CDC42BPA: variants seen among roughly 807,000 people sequenced by gnomAD.
CDC42BPA encodes the protein CDC42 binding protein kinase alpha.
In CDC42BPA, 80 loss-of-function variants were observed where a neutral mutation model predicts 223.5. The observed-to-expected ratio is 0.36, with a 90% CI of 0.30 to 0.43. The LOEUF (loss-of-function observed/expected upper bound fraction) is 0.43, where lower values mean the gene tolerates loss of function less well. CDC42BPA is among the 20% of genes least tolerant of loss of function. The pLI, the probability that CDC42BPA is intolerant of heterozygous loss-of-function variation, is 1.00. For synonymous variants in CDC42BPA, 694 were observed against 718.6 expected (o/e 0.97, Z 0.55); for missense variants, 1,743 against 2,099.9 (o/e 0.83, Z 3.32).
At chr1:227,050,567 G>A (rs1475440622) in intron 22 of CDC42BPA, among the ~76,000 whole-genome samples, 3 of 152,148 alleles carry the variant, frequency 2.0e-5, no homozygotes, top group African/African-American at 7.2e-5. Context: ...CCAACTGCAG[G>A]AGAATGGATA....
At chr1:227,066,975 T>C (rs1677217695) in intron 21 of CDC42BPA, among the ~76,000 whole-genome samples, 1 of 152,150 alleles carries the variant, frequency 6.6e-6, no homozygotes, top group African/African-American at 2.4e-5. Context: ...GAATGGAGCT[T>C]AGAAAGCACA....
In CDC42BPA at chr1:227,242,526, TAGA is replaced by T. The variant is rs556941569; in HGVS notation, c.270+11535_270+11537del. 7.2e-5 allele frequency among the ~76,000 whole-genome samples: 11 copies of T among 152,144 alleles called. No homozygotes were observed. The South Asian group carries it at 8.3e-4, about 11-fold the overall frequency. Reference sequence around the variant, plus strand: ...GAATTCAAAAAATTTATGTACAAACTAGAAGAAGTTAATATAATCAAGTTCCTT... The same window carrying T: ...GAATTCAAAAAATTTATGTACAAACTAGAAGTTAATATAATCAAGTTCCTT... On this transcript the variant is annotated intron_variant, in intron 2 of 36. Transcript: ENST00000366766.
intron 14 of CDC42BPA, among the ~76,000 whole-genome samples, chr1:227,101,952 T>C (rs536316646): frequency 6.6e-6 from 1 of 152,146 alleles, no homozygotes; most frequent in Non-Finnish European, 1.5e-5. Flanking sequence ...AACAGAAACA[T>C]ACAGACTACA....
intron 10 of CDC42BPA, among the ~76,000 whole-genome samples, chr1:227,133,035 G>C (rs1657578925): frequency 6.6e-6 from 1 of 151,526 alleles, no homozygotes; most frequent in African/African-American, 2.4e-5. Context: ...GTCCGGGAGG[G>C]AGGTGGGGGT....
chr1:227,295,459 T>G (rs138374918), intron 1 of CDC42BPA, among the ~76,000 whole-genome samples: 21 of 138,068 alleles, frequency 1.5e-4, no homozygotes, highest in African/African-American at 5.5e-4. Context: ...ATGCCCAGCA[T>G]GAAATTAAAA....
At chr1:227,193,307 G>T (rs543521261) in intron 5 of CDC42BPA, among the ~76,000 whole-genome samples, 1 of 151,852 alleles carries the variant, frequency 6.6e-6, no homozygotes, top group African/African-American at 2.4e-5. Flanking sequence ...TAATCTGCCC[G>T]CCTTGACCTC....
At chr1:227,064,473 T>G (rs899283179) in intron 21 of CDC42BPA, among the ~76,000 whole-genome samples, 5 of 152,176 alleles carry the variant, frequency 3.3e-5, no homozygotes, top group African/African-American at 1.2e-4. Flanking sequence ...GTATAGGAAG[T>G]TGCTACAAGC....
At chr1:227,028,464 T>C (rs941380515) in intron 30 of CDC42BPA, among the ~76,000 whole-genome samples, 193 bp downstream of exon 30, 3 of 152,246 alleles carry the variant, frequency 2.0e-5, no homozygotes, top group African/African-American at 2.4e-5. Context: ...TGCATGCTAA[T>C]GCTGGCCCTG....
chr1:227,147,351 A>C lies in CDC42BPA; in HGVS notation c.894+8T>G. 2.5e-6 allele frequency: 4 copies of C among 1,599,262 alleles called. No homozygotes were observed. In the Middle Eastern group the frequency reaches 6.7e-4, roughly 266 times the overall value. On this transcript the variant is annotated splice_region_variant and intron_variant, in intron 7 of 36. Transcript: ENST00000366766. ...ACATTAATTTGAACAAAAGTAAAAC[A>C]TACTAACTTTGTGGTTCATGATTTT...
intron 1 of CDC42BPA, among the ~76,000 whole-genome samples, chr1:227,309,601 CATG>C (rs751638015): frequency 1.5e-4 from 23 of 152,220 alleles, no homozygotes; most frequent in South Asian, 4.2e-4. Context: ...ACTATGAGTC[CATG>C]ATATTTTCCT....
intron 21 of CDC42BPA, among the ~76,000 whole-genome samples, chr1:227,061,715 A>G (rs566095221): frequency 3.3e-5 from 5 of 152,282 alleles, no homozygotes; most frequent in African/African-American, 1.2e-4. Context: ...TCTGACAGGT[A>G]CTTTCCTAAG....
In CDC42BPA at chr1:227,028,921, A is replaced by G; in HGVS notation, c.4168T>C (p.Phe1390Leu). The G allele has an allele frequency of 6.2e-7, 1 of 1,614,168 alleles. No homozygotes were observed. The highest frequency in any genetic ancestry group is 1.6e-4 in the Middle Eastern group (1 of 6,062). ...AATCCCACACAGAGTTGTTCACTGA[A>G]GATTGCCATCCACTGGACATTATAT... The part of the protein sequence containing the change: ...VPYNVQWMAI[F>L]SEQLCVGFQS... The change falls in exon 30 of 37, where the codon TTC becomes CTC. Residue 1390 changes from phenylalanine to leucine, a missense_variant. Transcript: ENST00000366766.
chr1:227,193,811 C>A lies in CDC42BPA; in HGVS notation c.574G>T (p.Val192Phe). The A allele has an allele frequency of 6.2e-7, 1 of 1,612,506 alleles. No homozygotes were observed. ...CTGTGTACATAATGTAGCTGATGAA[C>A]TGAGTCAATTGCTATCACCATCTCA... is the stretch of plus-strand genomic sequence containing the variant. ...LAEMVIAIDS[V>F]HQLHYVHRDI... is the part of the protein sequence containing the mutation. Residue 192 changes from valine (V) to phenylalanine (F), a missense_variant, in exon 5 of 37, where the codon GTT (valine) becomes TTT (phenylalanine). By Grantham distance (50) the Val-to-Phe change is conservative. Around this residue, in one of 6 missense-constraint regions of CDC42BPA, gnomAD observed 321 missense variants for 488.7 expected, o/e 0.66. Coordinates refer to ENST00000366766, the MANE Select transcript of CDC42BPA (RefSeq NM_001394014.1).
In CDC42BPA at chr1:227,317,164, A is replaced by G. The variant is rs1694544992; in HGVS notation, c.19T>C (p.Leu7=). The change falls in exon 1 of 37, where the codon TTG becomes CTG. Residue 7 remains leucine (L), a synonymous_variant. Coordinates refer to ENST00000366766, the MANE Select transcript of CDC42BPA (RefSeq NM_001394014.1). ...AAAATAAACTGCTCCAACTGCCTCA[A>G]ACGCACTTCTCCAGACATGTTTGCT... MSGEVR[L]RQLEQFILDG... The G allele has an allele frequency of 1.2e-6, 2 of 1,612,482 alleles. No individual in the cohort carries two copies. Among genetic ancestry groups the G allele is most frequent in the South Asian group, 2.2e-5 (2 of 90,478 alleles).
In CDC42BPA at chr1:227,051,773, A is replaced by T. The variant is rs889172680; in HGVS notation, c.3009+108T>A. The T allele has an allele frequency of 4.3e-5, 24 of 556,934 alleles. No homozygotes were observed. In the Admixed American group the frequency reaches 4.4e-4, roughly 10 times the overall value. The allele number at this position is 556,934 out of a possible 1,614,324, so 34.5% of individuals were successfully genotyped here. On this transcript the variant is annotated intron_variant, in intron 22 of 36. Coordinates refer to ENST00000366766, the MANE Select transcript of CDC42BPA (RefSeq NM_001394014.1). ...ATGTAATGATCTCCAATAGACTGTA[A>T]CTTATTACATATTTGGTTAAGAGGA...
chr1:227,150,874 A>G (rs2149716942), intron 6 of CDC42BPA, among the ~76,000 whole-genome samples: 1 of 151,748 alleles, frequency 6.6e-6, no homozygotes, highest in Non-Finnish European at 1.5e-5. Context: ...AAAAAGAAAA[A>G]AAAAAAGAAG....
chr1:227,019,927 G>T (rs1294996842), intron 32 of CDC42BPA, among the ~76,000 whole-genome samples: 1 of 150,538 alleles, frequency 6.6e-6, no homozygotes, highest in Admixed American at 6.6e-5. Flanking sequence ...ATGGAGTTTC[G>T]CCCTTGTTGC....
intron 12 of CDC42BPA, among the ~76,000 whole-genome samples, chr1:227,118,815 A>G (rs1288051488): frequency 6.6e-6 from 1 of 152,120 alleles, no homozygotes; most frequent in Admixed American, 6.6e-5. Context: ...TTTAAATGAC[A>G]AATATTATTA....
intron 5 of CDC42BPA, among the ~76,000 whole-genome samples, chr1:227,175,453 A>C (rs950711882): frequency 8.6e-5 from 13 of 151,674 alleles, no homozygotes; most frequent in African/African-American, 3.1e-4. Context: ...ATATATAAAT[A>C]AATAACTGGA....
Sources: allele counts gnomAD v4.1 joint callset (sites outside exome capture counted in the v4.1 genomes callset), GRCh38; gene constraint gnomAD v4.1.1; regional missense constraint gnomAD v4.1.1; transcripts MANE v1.5; gene names NCBI Gene and HGNC (gene_info 2026-07-23, HGNC 2026-07-21).